Variants in RNF145 observed in about 807,000 individuals in gnomAD.
RNF145 encodes the protein ring finger protein 145.
Under a neutral mutation model 57.3 loss-of-function variants are expected in RNF145, and 12 were observed. That is an observed-to-expected ratio of 0.21 (90% CI 0.13 to 0.34). RNF145 has a LOEUF of 0.34. RNF145 is among the 10% of genes least tolerant of loss of function. The probability of loss-of-function intolerance (pLI) is 1.00; values close to 1 mark genes in which losing one functional copy is unlikely to be tolerated. For missense variants in RNF145, 429 were observed against 799.0 expected (o/e 0.54, Z 5.58); for synonymous variants, 262 against 288.3 (o/e 0.91, Z 0.92).
At chr5:159,187,606 C>T (rs953115730) in intron 3 of RNF145, among the ~76,000 whole-genome samples, 6 of 152,078 alleles carry the variant, frequency 3.9e-5, no homozygotes, top group African/African-American at 9.7e-5. Flanking sequence ...GGACTACAGG[C>T]GTGTGCCACC....
intron 2 of RNF145, among the ~76,000 whole-genome samples, chr5:159,202,891 G>T: frequency 6.7e-6 from 1 of 149,738 alleles, no homozygotes; most frequent in African/African-American, 2.5e-5. Flanking sequence ...ATCAATGATA[G>T]TTCCATTTTT....
intron 1 of RNF145, among the ~76,000 whole-genome samples, chr5:159,206,659 G>A (rs569314432): frequency 4.9e-4 from 74 of 152,200 alleles, no homozygotes; most frequent in African/African-American, 1.3e-3. Flanking sequence ...GTCAAACAGG[G>A]CTAATCAGCA....
chr5:159,158,040 C>T lies in RNF145; in HGVS notation c.*630G>A, dbSNP rs1287010376. The T allele has an allele frequency of 1.3e-5, 2 of 152,654 alleles. No homozygotes were observed. The highest frequency in any genetic ancestry group is 2.9e-5 in the Non-Finnish European group (2 of 68,096). The allele number at this position is 152,654 out of a possible 1,614,324, so 9.5% of individuals were successfully genotyped here. A position where few individuals can be genotyped will look rare whatever the true frequency, so the allele number is the denominator to read the frequency against. On this transcript the variant is annotated 3_prime_UTR_variant, in exon 11 of 11. Coordinates refer to ENST00000424310, the MANE Select transcript of RNF145 (RefSeq NM_001199383.2). ...AGATTACATGAATGCACCCGCAAGG[C>T]CCAAGTGCCCACCCACCCCTTCCCT...
At position 159,159,231 on chromosome 5, in the gene RNF145, A is replaced by C. The variant is rs143200328; in HGVS notation, c.1627-196T>G. 9.3e-4 allele frequency among the ~76,000 whole-genome samples: 141 copies of C among 152,338 alleles called. 1 individual carries two copies. The highest frequency in any genetic ancestry group is 5.4e-3 in the Admixed American group (82 of 15,298). The stretch of plus-strand genomic sequence containing the variant: ...ATCCCCCTTATACAAATAATGCAAG[A>C]ACTACTGGCTAAGTACTTTCTAAAA... On this transcript the variant is annotated intron_variant, in intron 10 of 10. Coordinates refer to ENST00000424310, the MANE Select transcript of RNF145 (RefSeq NM_001199383.2).
At chr5:159,209,722 C>G, upstream of RNF145, 8 of 1,109,880 alleles carry the variant, frequency 7.2e-6, no homozygotes, top group Non-Finnish European at 1.0e-5. Flanking sequence ...CCCATACAGC[C>G]CGGCTCGGGT....
intron 6 of RNF145, among the ~76,000 whole-genome samples, chr5:159,171,850 A>C (rs918342221): frequency 6.6e-6 from 1 of 152,228 alleles, no homozygotes; most frequent in Non-Finnish European, 1.5e-5. Context: ...CAAAAGAACC[A>C]ATATGAGAAC....
rs1239039946 is a variant in RNF145 at position 159,209,351 on chromosome 5, G to C, written c.-160C>G. On this transcript the variant is annotated 5_prime_UTR_variant, in exon 1 of 11. Transcript: ENST00000424310. ...GCGGCGGCGGGGGCCGGTACGGCACGGCTCACAGCGGCGGCTCTTCTGCGC... is the reference window on the plus strand; with the variant it reads ...GCGGCGGCGGGGGCCGGTACGGCACCGCTCACAGCGGCGGCTCTTCTGCGC... 2.0e-6 allele frequency: 2 copies of C among 985,870 alleles called. No homozygotes were observed. The highest frequency in any genetic ancestry group is 1.7e-5 in the African/African-American group (1 of 57,194). The allele number at this position is 985,870 out of a possible 1,614,324, so 61.1% of individuals were successfully genotyped here. A position where few individuals can be genotyped will look rare whatever the true frequency, so the allele number is the denominator to read the frequency against.
chr5:159,181,427 C>T (rs1784890130), intron 4 of RNF145, among the ~76,000 whole-genome samples: 1 of 152,034 alleles, frequency 6.6e-6, no homozygotes, highest in Non-Finnish European at 1.5e-5. Context: ...CTCTTACTTC[C>T]TTTTTTGCAT....
upstream of RNF145, chr5:159,209,963 A>G (rs778603205): frequency 3.1e-5 from 46 of 1,480,954 alleles, no homozygotes; most frequent in Non-Finnish European, 4.1e-5. Flanking sequence ...ACTAGACTGT[A>G]AACTCCTTGG....
At chr5:159,176,515 T>C in intron 5 of RNF145, 117 bp downstream of exon 5, 1 of 661,892 alleles carries the variant, frequency 1.5e-6, no homozygotes, top group South Asian at 2.1e-5. Context: ...GCAGCTGTTT[T>C]GAAACTGCAA....
intron 1 of RNF145, among the ~76,000 whole-genome samples, chr5:159,205,700 C>G (rs1194882724): frequency 6.6e-6 from 1 of 152,120 alleles, no homozygotes; most frequent in Non-Finnish European, 1.5e-5. Flanking sequence ...ATACTGCCAT[C>G]GAAAAGTAAC....
rs1054965825 is a variant in RNF145, at chr5:159,192,052, A to G, written c.293+2664T>C. Among the ~76,000 whole-genome samples, 11 of 129,332 alleles carry G rather than the reference A, an allele frequency of 8.5e-5. No individual in the cohort carries two copies. The South Asian group carries it at 1.2e-3, about 14-fold the overall frequency. The allele number at this position is 129,332 out of a possible 152,430, so 84.8% of individuals were successfully genotyped here. ...CCAACCAAGAATCGAAAATATTCAG[A>G]AAAAAAAAAAAACTGCAATTGGAGT... On this transcript the variant is annotated intron_variant, in intron 3 of 10. Coordinates refer to ENST00000424310, the MANE Select transcript of RNF145 (RefSeq NM_001199383.2).
At chr5:159,184,155 G>C (rs1784985687) in intron 3 of RNF145, among the ~76,000 whole-genome samples, 1 of 152,140 alleles carries the variant, frequency 6.6e-6, no homozygotes, top group South Asian at 2.1e-4. Flanking sequence ...GTTTGGTTTT[G>C]TCACATATTA....
At chr5:159,164,130 G>A (rs1332603224) in intron 8 of RNF145, among the ~76,000 whole-genome samples, 1 of 152,116 alleles carries the variant, frequency 6.6e-6, no homozygotes. Flanking sequence ...GCTATACAGT[G>A]TGGTCCTATT....
intron 4 of RNF145, among the ~76,000 whole-genome samples, chr5:159,181,668 A>AT (rs1784896976): frequency 6.6e-6 from 1 of 152,098 alleles, no homozygotes; most frequent in East Asian, 1.9e-4. Flanking sequence ...TAATCTTTCA[A>AT]AGTAATAATT....
intron 3 of RNF145, among the ~76,000 whole-genome samples, chr5:159,186,406 T>G (rs1172252960): frequency 6.6e-6 from 1 of 152,228 alleles, no homozygotes; most frequent in Non-Finnish European, 1.5e-5. Context: ...GCGACCTGAC[T>G]CAGACACTGG....
intron 10 of RNF145, among the ~76,000 whole-genome samples, chr5:159,160,269 C>T (rs1436503609): frequency 6.6e-6 from 1 of 152,124 alleles, no homozygotes; most frequent in African/African-American, 2.4e-5. Flanking sequence ...ACTCCTCAGA[C>T]CCCTCAAATG....
chr5:159,195,807 A>T (rs942191029), intron 2 of RNF145, among the ~76,000 whole-genome samples: 1 of 152,248 alleles, frequency 6.6e-6, no homozygotes, highest in African/African-American at 2.4e-5. Context: ...ATAACTTATT[A>T]TACAGGCAAA....
At chr5:159,192,092 T>A (rs1273312085) in intron 3 of RNF145, among the ~76,000 whole-genome samples, 1 of 151,838 alleles carries the variant, frequency 6.6e-6, no homozygotes, top group Admixed American at 6.6e-5. Context: ...ATGTACAGAC[T>A]TTTTTTGTCA....
Sources: gnomAD v4.1 joint callset for allele counts (sites outside exome capture counted in the v4.1 genomes callset) on GRCh38, gnomAD v4.1.1 for gene constraint, MANE v1.5 for transcripts, NCBI Gene and HGNC (gene_info 2026-07-23, HGNC 2026-07-21) for gene names.